Variants in ACLY observed in about 807,000 individuals in gnomAD.
ACLY encodes the protein ATP-citrate synthase.
Under a neutral mutation model 133.0 loss-of-function variants are expected in ACLY, and 41 were observed. The ratio of observed to expected loss-of-function variants is 0.31; its 90% CI spans 0.24 to 0.40. The LOEUF is 0.40. ACLY is among the 10% of genes least tolerant of loss of function. The probability of loss-of-function intolerance (pLI) is 1.00; values close to 1 mark genes in which losing one functional copy is unlikely to be tolerated. For synonymous variants in ACLY, 495 were observed against 549.3 expected, an observed-to-expected ratio of 0.90 and a Z score of 1.38; for missense variants, 1,046 against 1,453.8, an observed-to-expected ratio of 0.72 and a Z score of 4.56.
intron 3 of ACLY, 101 bp downstream of exon 3, chr17:41,912,319 T>C (rs1225663325): frequency 4.0e-6 from 6 of 1,491,840 alleles, no homozygotes; most frequent in African/African-American, 1.4e-5. Flanking sequence ...TGAGCTACAA[T>C]GAGACTGGCT....
chr17:41,891,875 A>C (rs1305885600), intron 16 of ACLY, among the ~76,000 whole-genome samples: 2 of 151,890 alleles, frequency 1.3e-5, no homozygotes, highest in African/African-American at 4.8e-5. Flanking sequence ...ACTAATTTTT[A>C]AGCTTTTTGT....
rs1555632880 is a variant in ACLY at position 41,907,471 on chromosome 17, G to T, written c.718C>A (p.Pro240Thr). Residue 240 changes from proline (P) to threonine (T), a missense_variant, in exon 7 of 29, where the codon CCC becomes ACC. Coordinates refer to ENST00000352035, the MANE Select transcript of ACLY (RefSeq NM_001096.3). ...GGATATGCCTCCCGCCCGAAGGGGG[G>T]AGGGAACTCGATGTCACCCCACTTC... The part of the protein sequence containing the change: ...KVKWGDIEFP[P>T]PFGREAYPEE... The T allele has an allele frequency of 1.2e-6, 2 of 1,614,018 alleles. No homozygotes were observed. The highest frequency in any genetic ancestry group is 8.5e-7 in the Non-Finnish European group (1 of 1,179,966).
At position 41,892,222 on chromosome 17, in the gene ACLY, C is replaced by T. The variant is rs2049234098; in HGVS notation, c.1770+57G>A. The T allele has an allele frequency of 3.0e-6, 4 of 1,313,172 alleles. No homozygotes were observed. In the South Asian group the frequency reaches 4.2e-5, roughly 14 times the overall value. 81.3% of individuals were successfully genotyped at this position (1,313,172 alleles called of 1,614,324 possible). Reference sequence around the variant, plus strand: ...CCTCTGTCCCCTAGAGCCCAGTGATCTACCTGCGCATAGTTCATGGTCCCC... The same window carrying T: ...CCTCTGTCCCCTAGAGCCCAGTGATTTACCTGCGCATAGTTCATGGTCCCC... On this transcript the variant is annotated intron_variant, in intron 16 of 28. Transcript: ENST00000352035.
At chr17:41,878,946 C>T in intron 20 of ACLY, 22 bp from the exon 21 acceptor site, 1 of 1,613,694 alleles carries the variant, frequency 6.2e-7, no homozygotes, top group Non-Finnish European at 8.5e-7. Flanking sequence ...AGGAAAGTAG[C>T]TTTACTGCTA....
intron 23 of ACLY, 139 bp from the exon 24 acceptor site, chr17:41,872,321 C>A: frequency 1.3e-6 from 1 of 751,640 alleles, no homozygotes; most frequent in Admixed American, 2.6e-5. Context: ...AACTCTAAGG[C>A]AAAACCTCCT....
intron 16 of ACLY, among the ~76,000 whole-genome samples, chr17:41,887,945 T>A (rs559543053): frequency 6.6e-6 from 1 of 151,932 alleles, no homozygotes; most frequent in Non-Finnish European, 1.5e-5. Flanking sequence ...CTGGCCAACG[T>A]AGCAAAACCC....
At chr17:41,893,234 G>A (rs372001308) in intron 14 of ACLY, 60 bp from the exon 15 acceptor site, 12 of 1,541,502 alleles carry the variant, frequency 7.8e-6, no homozygotes, top group South Asian at 3.8e-5. Flanking sequence ...GACCTGCAGG[G>A]GCCAGGGCTG....
At chr17:41,919,708 A>T (rs2050152315), upstream of ACLY, among the ~76,000 whole-genome samples, 1 of 151,964 alleles carries the variant, frequency 6.6e-6, no homozygotes, top group Non-Finnish European at 1.5e-5. Flanking sequence ...GGCTGGAGCC[A>T]TCCCAGACAG....
At chr17:41,909,160 G>A (rs797039201) in intron 5 of ACLY, 92 bp from the exon 6 acceptor site, 115 of 966,878 alleles carry the variant, frequency 1.2e-4, no homozygotes, top group East Asian at 1.1e-3. Flanking sequence ...CACTGCCACC[G>A]ACAGCTCCAT....
intron 1 of ACLY, chr17:41,930,321 TC>T (rs2050303647): frequency 1.9e-5 from 3 of 161,642 alleles, no homozygotes; most frequent in Admixed American, 1.8e-4. Context: ...CAGTGCTCTC[TC>T]CCCCTAATGG....
chr17:41,881,637 C>T (rs868980284), intron 20 of ACLY, among the ~76,000 whole-genome samples: 2 of 152,198 alleles, frequency 1.3e-5, no homozygotes, highest in African/African-American at 4.8e-5. Context: ...CCCAGGTCTA[C>T]CAAGATCTGA....
chr17:41,924,501 A>G (rs781860842), intron 1 of ACLY, among the ~76,000 whole-genome samples: 24 of 151,822 alleles, frequency 1.6e-4, no homozygotes, highest in Admixed American at 1.2e-3. Context: ...TTCTAAACCC[A>G]CCTCTCTCCT....
chr17:41,873,840 C>T lies in ACLY; in HGVS notation c.2613G>A (p.Gly871=), dbSNP rs782321787. 16 of 1,587,808 alleles carry T rather than the reference C, an allele frequency of 1.0e-5. No individual in the cohort carries two copies. The highest frequency in any genetic ancestry group is 6.7e-5 in the South Asian group (6 of 89,532). ...TCTGGAACCAGAGGAGGCCGAGGAC[C>T]CCGCCAATGCCCATCTCTTCCTTGA... is the stretch of plus-strand genomic sequence containing the variant. ...EVFKEEMGIG[G]VLGLLWFQKR... The change falls in exon 23 of 29, where the codon GGG becomes GGA. Residue 871 remains glycine, a synonymous_variant. Coordinates refer to ENST00000352035, the MANE Select transcript of ACLY (RefSeq NM_001096.3).
chr17:41,899,499 A>C (rs2144345631), intron 11 of ACLY, among the ~76,000 whole-genome samples: 1 of 151,982 alleles, frequency 6.6e-6, no homozygotes, highest in Non-Finnish European at 1.5e-5. Flanking sequence ...GGAGCTCTCC[A>C]TGGAGCTTCA....
Position 41,867,757 on chromosome 17 carries a change from C to T in ACLY, c.*53G>A. On this transcript the variant is annotated 3_prime_UTR_variant, in exon 29 of 29. Transcript: ENST00000352035. ...ACTGCCAGCTGTCTGTACACTTTTT[C>T]TTGGGGGAAGAGATCTTGTCTTCAG... is the stretch of plus-strand genomic sequence containing the variant. The T allele has an allele frequency of 6.9e-7, 1 of 1,457,850 alleles. No homozygotes were observed. Among genetic ancestry groups the T allele is most frequent in the Admixed American group, 1.9e-5 (1 of 53,242 alleles). The allele number at this position is 1,457,850 out of a possible 1,614,324, so 90.3% of individuals were successfully genotyped here.
intron 27 of ACLY, 70 bp from the exon 28 acceptor site, chr17:41,868,855 CTACT>C (rs2048530311): frequency 1.3e-5 from 19 of 1,512,010 alleles, no homozygotes; most frequent in African/African-American, 9.6e-5. Flanking sequence ...GACAGTACTA[CTACT>C]GCCCAAGAAT....
At position 41,910,169 on chromosome 17, in the gene ACLY, A is replaced by G. The variant is rs912045805; in HGVS notation, c.345+53T>C. 5 of 1,568,936 alleles carry G rather than the reference A, an allele frequency of 3.2e-6. No homozygotes were observed. The Admixed American group carries it at 8.9e-5, about 28-fold the overall frequency. ...TTCTTTCCTCAGGTTACGGTGGACA[A>G]ACCCAAGGTTCCAGGAGGGAGAAGA... On this transcript the variant is annotated intron_variant, in intron 4 of 28. Coordinates refer to ENST00000352035, the MANE Select transcript of ACLY (RefSeq NM_001096.3).
At chr17:41,881,683 G>A (rs935548417) in intron 20 of ACLY, among the ~76,000 whole-genome samples, 6 of 151,872 alleles carry the variant, frequency 4.0e-5, no homozygotes, top group Non-Finnish European at 7.4e-5. Flanking sequence ...TGCATCCTCC[G>A]CCTCCCAGGT....
chr17:41,914,418 T>C (rs985622944), intron 1 of ACLY, among the ~76,000 whole-genome samples: 3 of 152,098 alleles, frequency 2.0e-5, no homozygotes, highest in East Asian at 1.9e-4. Flanking sequence ...TTTACCCCTA[T>C]ACACACCCTT....
Sources: allele counts gnomAD v4.1 joint callset (sites outside exome capture counted in the v4.1 genomes callset), GRCh38; gene constraint gnomAD v4.1.1; transcripts MANE v1.5; gene names NCBI Gene and HGNC (gene_info 2026-07-23, HGNC 2026-07-21).